RNFT2: variants seen among roughly 807,000 people sequenced by gnomAD.
RNFT2 encodes ring finger protein, transmembrane 2.
RNFT2 carries 36 observed loss-of-function variants against 53.0 expected under a neutral mutation model. The ratio of observed to expected loss-of-function variants is 0.68; its 90% CI spans 0.52 to 0.90. The LOEUF is 0.90. Among genes scored for constraint, RNFT2 ranks in the 40% least tolerant of loss-of-function variants. RNFT2 has a pLI of 0.00. For missense variants in RNFT2, 514 were observed against 585.6 expected (o/e 0.88, Z 1.26); for synonymous variants, 260 against 253.2 (o/e 1.03, Z -0.26).
At chr12:116,772,330 C>T (rs906974318) in intron 6 of RNFT2, among the ~76,000 whole-genome samples, 2 of 152,068 alleles carry the variant, frequency 1.3e-5, no homozygotes, top group African/African-American at 4.8e-5. Context: ...TTTTTTGAGA[C>T]AGAGTCTCGC....
At position 116,744,737 on chromosome 12, in the gene RNFT2, G is replaced by A. The variant is rs77631989; in HGVS notation, c.83+3643G>A. Among the ~76,000 whole-genome samples the A allele has an allele frequency of 1.1e-4, 17 of 152,156 alleles. No homozygotes were observed. In the East Asian group the frequency reaches 2.3e-3, roughly 21 times the overall value. ...TCTTTCCCAGTCAGGCTGAAATCTC[G>A]GCTGGATGCAGGGGAGAGGCCCAGG... On this transcript the variant is annotated intron_variant, in intron 3 of 10. Transcript: ENST00000257575.
chr12:116,773,030 A>G (rs1423377102), intron 6 of RNFT2, among the ~76,000 whole-genome samples: 1 of 151,640 alleles, frequency 6.6e-6, no homozygotes, highest in Non-Finnish European at 1.5e-5. Flanking sequence ...GGTTTCACCA[A>G]GTTGGCCAGG....
At chr12:116,834,850 CTTT>C (rs140178133) in intron 8 of RNFT2, among the ~76,000 whole-genome samples, 11 of 136,678 alleles carry the variant, frequency 8.0e-5, no homozygotes, top group Admixed American at 7.4e-5. Flanking sequence ...ATTATTACTC[CTTT>C]TTTTTTTTTT....
rs1874451060 is a variant in RNFT2, at chr12:116,795,295, C to T, written c.882+15947C>T. ...TGGTGGCATGTGCCTGTAATCCCAG[C>T]TACTCCAGAGGCTGAGTCAGAAGAA... On this transcript the variant is annotated intron_variant, in intron 7 of 10. Coordinates refer to ENST00000257575, the MANE Select transcript of RNFT2 (RefSeq NM_001382266.1). 2.6e-5 allele frequency among the ~76,000 whole-genome samples: 4 copies of T among 152,028 alleles called. No individual in the cohort carries two copies. In the South Asian group the frequency reaches 8.3e-4, roughly 32 times the overall value.
At position 116,786,122 on chromosome 12, in the gene RNFT2, CTTTT is replaced by C. The variant is rs1190827408; in HGVS notation, c.882+6787_882+6790del. Reference sequence around the variant, plus strand: ...ATGGAGGTTAAGAGATCAGGTAGTTCTTTTTTTTTTTTTTTTGAGACAGAGTTTC... The same window carrying C: ...ATGGAGGTTAAGAGATCAGGTAGTTCTTTTTTTTTTTTGAGACAGAGTTTC... On this transcript the variant is annotated intron_variant, in intron 7 of 10. Transcript: ENST00000257575. Among the ~76,000 whole-genome samples, 5 of 135,718 alleles carry C rather than the reference CTTTT, an allele frequency of 3.7e-5. 1 individual carries two copies. The highest frequency in any genetic ancestry group is 2.2e-4 in the Admixed American group (3 of 13,396). 89.0% of individuals were successfully genotyped at this position (135,718 alleles called of 152,430 possible).
At chr12:116,813,597 T>C (rs529569378) in intron 7 of RNFT2, among the ~76,000 whole-genome samples, 1 of 152,330 alleles carries the variant, frequency 6.6e-6, no homozygotes, top group East Asian at 1.9e-4. Context: ...TGCTGGTTTG[T>C]CTCCCCCATT....
chr12:116,763,993 A>G (rs1176222230), intron 5 of RNFT2, among the ~76,000 whole-genome samples: 1 of 152,194 alleles, frequency 6.6e-6, no homozygotes, highest in Admixed American at 6.5e-5. Flanking sequence ...AAACTGGTAT[A>G]TGTATATGAT....
intron 6 of RNFT2, among the ~76,000 whole-genome samples, chr12:116,774,212 T>A (rs775039537): frequency 1.3e-5 from 2 of 152,158 alleles, no homozygotes; most frequent in Non-Finnish European, 2.9e-5. Flanking sequence ...AGGTCTGTGG[T>A]TGGATAGTGG....
intron 6 of RNFT2, among the ~76,000 whole-genome samples, chr12:116,776,890 C>A (rs1288014886): frequency 6.6e-6 from 1 of 151,432 alleles, no homozygotes; most frequent in African/African-American, 2.4e-5. Flanking sequence ...CCTCTTAGTG[C>A]CCCAGTGTCC....
intron 7 of RNFT2, among the ~76,000 whole-genome samples, chr12:116,805,312 C>T (rs1353706733): frequency 6.6e-6 from 1 of 151,954 alleles, no homozygotes; most frequent in East Asian, 1.9e-4. Flanking sequence ...ATGCCTGTAA[C>T]AGACAAGGTT....
intron 3 of RNFT2, chr12:116,748,726 C>G (rs565588802): frequency 2.3e-6 from 1 of 434,970 alleles, no homozygotes; most frequent in Non-Finnish European, 4.6e-6. Context: ...GCAGAGCCAG[C>G]GGTCCTTGGG....
chr12:116,793,301 G>A (rs1874342487), intron 7 of RNFT2, among the ~76,000 whole-genome samples: 1 of 150,328 alleles, frequency 6.7e-6, no homozygotes, highest in South Asian at 2.1e-4. Flanking sequence ...TGACCTCCTG[G>A]ACTCCAGTGA....
At chr12:116,784,077 A>C (rs1003498380) in intron 7 of RNFT2, among the ~76,000 whole-genome samples, 1 of 152,236 alleles carries the variant, frequency 6.6e-6, no homozygotes, top group Non-Finnish European at 1.5e-5. Context: ...GAAATTGAAG[A>C]GCAAAGTCAG....
Position 116,841,846 on chromosome 12 carries a change from AATATATAT to A in RNFT2, c.1200+5566_1200+5573del, listed in dbSNP as rs1240258969. Among the ~76,000 whole-genome samples, 217 of 23,324 alleles carry A rather than the reference AATATATAT, an allele frequency of 9.3e-3. 9 individuals carry two copies. The highest frequency in any genetic ancestry group is 0.018 in the Non-Finnish European group (184 of 10,126). The allele number at this position is 23,324 out of a possible 152,430, so 15.3% of individuals were successfully genotyped here. A position where few individuals can be genotyped will look rare whatever the true frequency, so the allele number is the denominator to read the frequency against. On this transcript the variant is annotated intron_variant, in intron 10 of 10. Coordinates refer to ENST00000257575, the MANE Select transcript of RNFT2 (RefSeq NM_001382266.1). The stretch of plus-strand genomic sequence containing the variant: ...ATATATATATATAAATATATATATA[AATATATAT>A]AAAAATATATATATAAATATATATA...
intron 7 of RNFT2, among the ~76,000 whole-genome samples, chr12:116,795,062 A>C (rs778756445): frequency 2.6e-5 from 4 of 152,094 alleles, no homozygotes; most frequent in South Asian, 2.1e-4. Context: ...TCCTACTTCT[A>C]TAATACTAAT....
rs752633551 is a variant in RNFT2 at position 116,750,033 on chromosome 12, C to T, written c.276C>T (p.Pro92=). 51 of 1,552,396 alleles carry T rather than the reference C, an allele frequency of 3.3e-5. No homozygotes were observed. The highest frequency in any genetic ancestry group is 3.9e-5 in the Non-Finnish European group (45 of 1,149,016). The change falls in exon 4 of 11, where the codon CCC becomes CCT. Residue 92 remains proline (P), a synonymous_variant. Transcript: ENST00000257575. ...GCGGGGACGTGTTCATCCAGATGCC[C>T]GCGTCCAGGGAGGAAGGAGGGGGCC... ...AGGGDVFIQM[P]ASREEGGGRG... is the part of the protein sequence containing the mutation.
intron 7 of RNFT2, among the ~76,000 whole-genome samples, chr12:116,811,962 T>C (rs1875402029): frequency 6.6e-6 from 1 of 152,232 alleles, no homozygotes; most frequent in South Asian, 2.1e-4. Context: ...ACTAGCTATA[T>C]ACCCTCGGGT....
chr12:116,740,492 A>C lies in RNFT2; in HGVS notation c.-6A>C, dbSNP rs1268475465. 1 of 1,573,002 alleles carries C rather than the reference A, an allele frequency of 6.4e-7. No individual in the cohort carries two copies. Among genetic ancestry groups the C allele is most frequent in the East Asian group, 2.3e-5 (1 of 43,204 alleles). On this transcript the variant is annotated 5_prime_UTR_variant, in exon 2 of 11. It removes the in-frame stop codon of an upstream open reading frame in the 5' UTR. Transcript: ENST00000257575. ...CCAGTGTCGTCAACATGGAGTTCTG[A>C]AGTCCATGTGGCTCTTCACAGTGAA...
intron 7 of RNFT2, among the ~76,000 whole-genome samples, chr12:116,824,494 A>G (rs1460495676): frequency 6.6e-6 from 1 of 152,146 alleles, no homozygotes; most frequent in East Asian, 1.9e-4. Context: ...GGAGTATGAC[A>G]CCTTCCAGCC....
Sources: gnomAD v4.1 joint callset for allele counts (sites outside exome capture counted in the v4.1 genomes callset) on GRCh38, gnomAD v4.1.1 for gene constraint, MANE v1.5 for transcripts, NCBI Gene and HGNC (gene_info 2026-07-23, HGNC 2026-07-21) for gene names.